Variants in HEATR4 observed in about 807,000 individuals in gnomAD.
The protein encoded by HEATR4 is HEAT repeat-containing protein 4.
HEATR4 carries 95 observed loss-of-function variants against 108.8 expected under a neutral mutation model. That is an observed-to-expected ratio of 0.87 (90% CI 0.74 to 1.04). HEATR4 has a LOEUF of 1.04. HEATR4 is among the 50% of genes least tolerant of loss of function. HEATR4 has a pLI of 0.00. For synonymous variants in HEATR4, 443 were observed against 459.4 expected (o/e 0.96, Z 0.46); for missense variants, 1,152 against 1,253.8 (o/e 0.92, Z 1.23).
chr14:73,500,485 A>G, intron 12 of HEATR4, 65 bp downstream of exon 12: 2 of 1,514,858 alleles, frequency 1.3e-6, no homozygotes, highest in Non-Finnish European at 1.8e-6. Context: ...ACTGTGCACA[A>G]CCAGGGAAGG....
At chr14:73,584,795 G>A in the HEATR4 span, among the ~76,000 whole-genome samples, 3 of 148,070 alleles carry the variant, frequency 2.0e-5, no homozygotes, top group African/African-American at 7.3e-5. Flanking sequence ...GACCCTACCA[G>A]CCCCCATTCC....
the HEATR4 span, among the ~76,000 whole-genome samples, chr14:73,610,548 C>A: frequency 2.2e-4 from 33 of 152,262 alleles, no homozygotes; most frequent in Admixed American, 2.2e-3. Context: ...CCCTCGGCCT[C>A]CCAAAGTGCT....
rs34660727 is a variant in HEATR4, at chr14:73,506,804, GTTT to G, written c.1882-236_1882-234del. ...GGACCTTCCTTTCCTGACTTTAACT[GTTT>G]TTTTTTTTTTTTTTTTTTCTGAGAA... On this transcript the variant is annotated intron_variant, in intron 9 of 17. Coordinates refer to ENST00000553558, the MANE Select transcript of HEATR4 (RefSeq NM_001220484.1). Among the ~76,000 whole-genome samples the G allele has an allele frequency of 2.3e-3, 189 of 80,474 alleles. 3 individuals carry two copies. Among genetic ancestry groups the G allele is most frequent in the African/African-American group, 7.5e-3 (153 of 20,416 alleles). 52.8% of individuals were successfully genotyped at this position (80,474 alleles called of 152,430 possible). A position where few individuals can be genotyped will look rare whatever the true frequency, so the allele number is the denominator to read the frequency against.
intron 17 of HEATR4, among the ~76,000 whole-genome samples, chr14:73,486,169 T>C (rs1024498634): frequency 6.6e-6 from 1 of 152,206 alleles, no homozygotes; most frequent in Non-Finnish European, 1.5e-5. Flanking sequence ...TCCTTGGTTA[T>C]GGGGTTTCAT....
intron 16 of HEATR4, among the ~76,000 whole-genome samples, chr14:73,494,253 C>T (rs897849084): frequency 6.6e-6 from 1 of 152,130 alleles, no homozygotes; most frequent in Non-Finnish European, 1.5e-5. Context: ...ACCAGAAGAC[C>T]TGGGTTTGGG....
chr14:73,500,562 G>A lies in HEATR4; in HGVS notation c.2274C>T (p.Ile758=). 3 of 1,613,198 alleles carry A rather than the reference G, an allele frequency of 1.9e-6. No individual in the cohort carries two copies. The highest frequency in any genetic ancestry group is 2.5e-6 in the Non-Finnish European group (3 of 1,179,756). The part of the protein sequence containing the change: ...AACLAAGALQ[I]RDKMVLECLL... ...TTCCCTGACTCACCATCTTGTCGCG[G>A]ATCTGCAGGGCACCAGCTGCCAAAC... is the stretch of plus-strand genomic sequence containing the variant. The change falls in exon 12 of 18, where the codon ATC becomes ATT. Residue 758 remains isoleucine (I), a synonymous_variant. Transcript: ENST00000553558.
chr14:73,487,143 T>C (rs1290861682), intron 17 of HEATR4, among the ~76,000 whole-genome samples: 1 of 142,754 alleles, frequency 7.0e-6, no homozygotes. Context: ...GAATGTCAAT[T>C]TCCTTTGATT....
At chr14:73,550,316 T>C (rs1389290523) in intron 1 of HEATR4, among the ~76,000 whole-genome samples, 1 of 111,332 alleles carries the variant, frequency 9.0e-6, no homozygotes, top group Admixed American at 1.0e-4. Flanking sequence ...ATTCGCATTG[T>C]CATTGCGCTC....
At chr14:73,491,546 G>A in intron 17 of HEATR4, 1 of 1,534,194 alleles carries the variant, frequency 6.5e-7, no homozygotes, top group South Asian at 1.2e-5. Flanking sequence ...TAACACGGGT[G>A]GGGAGCCGGC....
the HEATR4 span, among the ~76,000 whole-genome samples, chr14:73,608,787 C>G: frequency 1.3e-4 from 20 of 152,216 alleles, no homozygotes; most frequent in Admixed American, 9.2e-4. Context: ...GGATAATTTA[C>G]GAAGGAAAGA....
the HEATR4 span, chr14:73,592,359 G>T: frequency 2.5e-6 from 4 of 1,587,642 alleles, no homozygotes; most frequent in African/African-American, 2.7e-5. Flanking sequence ...CCCGCCAGGG[G>T]TGCGGCGCCA....
At chr14:73,558,981 T>C (rs1483074412), upstream of HEATR4, 1 of 151,920 alleles carries the variant, frequency 6.6e-6, no homozygotes, top group Non-Finnish European at 1.5e-5. Context: ...AGCAACCAAC[T>C]CTTTAGAATT....
chr14:73,556,425 CA>C (rs1206186630), intron 1 of HEATR4, among the ~76,000 whole-genome samples: 2,105 of 75,206 alleles, frequency 0.028, 408 homozygotes, highest in African/African-American at 0.081. Flanking sequence ...AACTTCTTCT[CA>C]AAAAAAAAAA....
rs1227994155 is a variant in HEATR4 at position 73,558,755 on chromosome 14, T to C, written c.-156A>G. 1.3e-5 allele frequency: 2 copies of C among 151,224 alleles called. No homozygotes were observed. The highest frequency in any genetic ancestry group is 3.0e-5 in the Non-Finnish European group (2 of 67,732). The allele number at this position is 151,224 out of a possible 1,614,324, so 9.4% of individuals were successfully genotyped here. On this transcript the variant is annotated 5_prime_UTR_variant, in exon 1 of 18. Coordinates refer to ENST00000553558, the MANE Select transcript of HEATR4 (RefSeq NM_001220484.1). The stretch of plus-strand genomic sequence containing the variant: ...GGTATCTAAAGTAGTACTGACCCTT[T>C]TGACACCTAATCCAAAGTTTTTTCA...
At chr14:73,514,281 C>T in intron 5 of HEATR4, 47 bp from the exon 6 acceptor site, 1 of 1,555,556 alleles carries the variant, frequency 6.4e-7, no homozygotes, top group Non-Finnish European at 8.8e-7. Flanking sequence ...CTGCCTTAGG[C>T]CCTGCCACAC....
At chr14:73,626,950 C>T in the HEATR4 span, among the ~76,000 whole-genome samples, 3 of 151,436 alleles carry the variant, frequency 2.0e-5, no homozygotes, top group Non-Finnish European at 4.4e-5. Context: ...CGCCACCACA[C>T]CCCACTAATT....
At chr14:73,607,844 G>A in the HEATR4 span, among the ~76,000 whole-genome samples, 7 of 151,000 alleles carry the variant, frequency 4.6e-5, no homozygotes, top group African/African-American at 9.7e-5. Flanking sequence ...GGCTGGTCTC[G>A]AACTCCTGAA....
chr14:73,519,430 AG>A (rs1161889755), intron 4 of HEATR4, among the ~76,000 whole-genome samples: 1 of 151,848 alleles, frequency 6.6e-6, no homozygotes, highest in Non-Finnish European at 1.5e-5. Flanking sequence ...CTGGGAGCCA[AG>A]GATGGTGATT....
chr14:73,494,565 G>T (rs1422400988), intron 16 of HEATR4, among the ~76,000 whole-genome samples: 2 of 151,808 alleles, frequency 1.3e-5, no homozygotes, highest in Non-Finnish European at 2.9e-5. Context: ...TTGTTTTTTT[G>T]TTTGAGACAG....
Sources: allele counts gnomAD v4.1 joint callset (sites outside exome capture counted in the v4.1 genomes callset), GRCh38; gene constraint gnomAD v4.1.1; transcripts MANE v1.5; gene names NCBI Gene and HGNC (gene_info 2026-07-23, HGNC 2026-07-21).